The following SLC4A4 variants were observed in gnomAD, a reference collection of about 807,000 sequenced individuals.
SLC4A4 encodes electrogenic sodium bicarbonate cotransporter 1.
A neutral mutation model predicts 111.5 loss-of-function variants in SLC4A4; 27 were observed. That is an observed-to-expected ratio of 0.24 (90% CI 0.18 to 0.33). The LOEUF (loss-of-function observed/expected upper bound fraction) is 0.33. Ranked by LOEUF, SLC4A4 falls within the 10% of genes least tolerant of loss-of-function variation. SLC4A4 has a pLI of 1.00. For missense variants in SLC4A4, 909 were observed against 1,315.5 expected, an observed-to-expected ratio of 0.69 and a Z score of 4.78; for synonymous variants, 443 against 463.4, an observed-to-expected ratio of 0.96 and a Z score of 0.57.
intron 8 of SLC4A4, among the ~76,000 whole-genome samples, chr4:71,443,116 CTATATATATA>C (rs1168996571): frequency 1.0e-3 from 68 of 65,650 alleles, no homozygotes; most frequent in Admixed American, 1.7e-3. Context: ...CTCTCTCTCT[CTATATATATA>C]TATATATATA....
chr4:71,547,601 T>A (rs775379699), intron 19 of SLC4A4, 47 bp from the exon 20 acceptor site: 1 of 1,471,256 alleles, frequency 6.8e-7, no homozygotes. Context: ...CAAGAGCATG[T>A]TTATGAAGAC....
intron 3 of SLC4A4, among the ~76,000 whole-genome samples, chr4:71,297,499 C>T (rs1355249381): frequency 5.7e-5 from 8 of 141,098 alleles, no homozygotes; most frequent in Non-Finnish European, 7.6e-5. Flanking sequence ...TTGATACACA[C>T]ACACAGACAA....
chr4:71,364,451 T>A (rs1211248699), intron 6 of SLC4A4, among the ~76,000 whole-genome samples: 1 of 152,184 alleles, frequency 6.6e-6, no homozygotes, highest in East Asian at 1.9e-4. Flanking sequence ...ATTGGGTAAT[T>A]TAAAACAATA....
At chr4:71,068,376 A>C (rs1741584204) in intron 1 of SLC4A4, among the ~76,000 whole-genome samples, 1 of 151,106 alleles carries the variant, frequency 6.6e-6, no homozygotes, top group African/African-American at 2.4e-5. Flanking sequence ...CTGTTTGTTC[A>C]ACAAACATTT....
chr4:71,179,321 T>C (rs1745207105), intron 2 of SLC4A4, among the ~76,000 whole-genome samples: 1 of 152,118 alleles, frequency 6.6e-6, no homozygotes, highest in Non-Finnish European at 1.5e-5. Context: ...CTCTCACCAC[T>C]CCTATTCAAC....
At chr4:71,280,268 G>A (rs1436063526) in intron 3 of SLC4A4, among the ~76,000 whole-genome samples, 1 of 152,124 alleles carries the variant, frequency 6.6e-6, no homozygotes, top group Admixed American at 6.5e-5. Context: ...TGGCTATTGA[G>A]TTGCATGAAT....
chr4:71,553,355 A>T (rs1419710429), intron 20 of SLC4A4, among the ~76,000 whole-genome samples: 1 of 151,910 alleles, frequency 6.6e-6, no homozygotes, highest in African/African-American at 2.4e-5. Context: ...GCACCAAGGC[A>T]AAAGTGTCCT....
At chr4:71,070,127 G>A (rs920983518) in intron 1 of SLC4A4, among the ~76,000 whole-genome samples, 1 of 152,152 alleles carries the variant, frequency 6.6e-6, no homozygotes, top group Non-Finnish European at 1.5e-5. Flanking sequence ...GTGGCACCTG[G>A]AAGATACTTA....
At chr4:71,230,890 C>T (rs1036759492) in intron 1 of SLC4A4, among the ~76,000 whole-genome samples, 7 of 152,212 alleles carry the variant, frequency 4.6e-5, no homozygotes, top group African/African-American at 1.7e-4. Context: ...CGCTTTCATC[C>T]TACAGTTTAC....
chr4:71,279,693 C>A (rs748907304), intron 3 of SLC4A4, among the ~76,000 whole-genome samples: 140 of 152,266 alleles, frequency 9.2e-4, no homozygotes, highest in Middle Eastern at 3.4e-3. Flanking sequence ...TTTTGAGGAA[C>A]TTCCATTCTG....
chr4:71,145,853 C>T (rs1440305916), intron 2 of SLC4A4, among the ~76,000 whole-genome samples: 15 of 151,804 alleles, frequency 9.9e-5, no homozygotes, highest in East Asian at 1.9e-4. Context: ...TCTTTATTAG[C>T]CTTGCTAGCG....
chr4:71,499,777 C>G (rs1730739543), intron 16 of SLC4A4, among the ~76,000 whole-genome samples: 1 of 152,132 alleles, frequency 6.6e-6, no homozygotes, highest in Admixed American at 6.5e-5. Flanking sequence ...TGTTTTATGG[C>G]TGGATAGTAT....
At chr4:71,195,097 T>G (rs928172869) in intron 1 of SLC4A4, among the ~76,000 whole-genome samples, 1 of 152,066 alleles carries the variant, frequency 6.6e-6, no homozygotes, top group African/African-American at 2.4e-5. Context: ...TACATGATCT[T>G]CCTTTAAATA....
Position 71,388,851 on chromosome 4 carries a change from T to TG in SLC4A4, c.731-8726_731-8725insG, listed in dbSNP as rs1719003358. 4.6e-5 allele frequency among the ~76,000 whole-genome samples: 7 copies of TG among 152,344 alleles called. No homozygotes were observed. In the South Asian group the frequency reaches 1.4e-3, roughly 32 times the overall value. ...CAGGCATGAGCCACCATGCCTGGCCTAACCTACCTATTTTAGATCACAATA... is the reference window on the plus strand; with the variant it reads ...CAGGCATGAGCCACCATGCCTGGCCTGAACCTACCTATTTTAGATCACAATA... On this transcript the variant is annotated intron_variant, in intron 6 of 25. Transcript: ENST00000264485.
At chr4:71,160,976 A>C (rs905918553) in intron 2 of SLC4A4, among the ~76,000 whole-genome samples, 1 of 152,192 alleles carries the variant, frequency 6.6e-6, no homozygotes, top group African/African-American at 2.4e-5. Context: ...AATATAAAAA[A>C]CTTCAAGATG....
intron 18 of SLC4A4, 51 bp downstream of exon 18, chr4:71,534,439 C>A: frequency 6.5e-7 from 1 of 1,547,122 alleles, no homozygotes; most frequent in Non-Finnish European, 8.9e-7. Flanking sequence ...CTTTTTAGTA[C>A]TTGAAAACAC....
chr4:71,424,639 C>T (rs1423633156), intron 7 of SLC4A4, among the ~76,000 whole-genome samples: 2 of 152,116 alleles, frequency 1.3e-5, no homozygotes, highest in African/African-American at 4.8e-5. Context: ...GGCACATATA[C>T]ACCATGGAAT....
intron 11 of SLC4A4, among the ~76,000 whole-genome samples, chr4:71,452,267 C>T (rs867385753): frequency 3.9e-5 from 6 of 152,098 alleles, no homozygotes; most frequent in Non-Finnish European, 7.4e-5. Context: ...AATCTTCTCT[C>T]CTCTCCTCCC....
intron 7 of SLC4A4, among the ~76,000 whole-genome samples, chr4:71,431,207 G>A (rs1723615786): frequency 1.1e-5 from 1 of 90,926 alleles, no homozygotes; most frequent in Non-Finnish European, 3.3e-5. Flanking sequence ...GAATAAAAAT[G>A]ATAAGGAAAA....
Sources: gnomAD v4.1 joint callset for allele counts (sites outside exome capture counted in the v4.1 genomes callset) on GRCh38, gnomAD v4.1.1 for gene constraint, MANE v1.5 for transcripts, NCBI Gene and HGNC (gene_info 2026-07-23, HGNC 2026-07-21) for gene names.